LRRC37A2: variants seen among roughly 807,000 people sequenced by gnomAD.
LRRC37A2 encodes the protein leucine rich repeat containing 37 member A2, also known as leucine-rich repeat-containing protein 37A2.
Under a neutral mutation model 68.8 loss-of-function variants are expected in LRRC37A2, and 9 were observed. That is an observed-to-expected ratio of 0.13 (90% CI 0.08 to 0.23). LRRC37A2 has a LOEUF of 0.23. Among genes scored for constraint, LRRC37A2 ranks in the 10% least tolerant of loss-of-function variants. The probability of loss-of-function intolerance (pLI) is 1.00; values close to 1 mark genes in which losing one functional copy is unlikely to be tolerated. For synonymous variants in LRRC37A2, 63 were observed against 367.6 expected (o/e 0.17, Z 9.48); for missense variants, 168 against 950.4 (o/e 0.18, Z 10.82).
chr17:47,025,343 T>A, the LRRC37A2 span, among the ~76,000 whole-genome samples: 1 of 152,350 alleles, frequency 6.6e-6, no homozygotes, highest in Admixed American at 6.5e-5. Context: ...AACATCATTA[T>A]TCCAGAATTT....
the LRRC37A2 span, among the ~76,000 whole-genome samples, chr17:46,974,747 A>ACG: frequency 2.2e-5 from 1 of 45,164 alleles, no homozygotes; most frequent in Non-Finnish European, 6.5e-5. Flanking sequence ...AAAAAAAAAA[A>ACG]AAGGTCATCT....
At chr17:46,926,889 T>G in the LRRC37A2 span, among the ~76,000 whole-genome samples, 1 of 152,338 alleles carries the variant, frequency 6.6e-6, no homozygotes, top group African/African-American at 2.4e-5. Context: ...GTACATCTCC[T>G]CAGGGTATGC....
chr17:46,965,098 T>C, the LRRC37A2 span: 3 of 152,166 alleles, frequency 2.0e-5, no homozygotes, highest in African/African-American at 7.2e-5. Flanking sequence ...TAAAATCACA[T>C]TTTTAGAAGT....
At chr17:46,720,564 C>T in the LRRC37A2 span, among the ~76,000 whole-genome samples, 3 of 152,102 alleles carry the variant, frequency 2.0e-5, no homozygotes, top group Admixed American at 6.6e-5. Flanking sequence ...TTGGTCTACT[C>T]CCAAGTTATT....
chr17:46,997,661 G>T, the LRRC37A2 span, among the ~76,000 whole-genome samples: 2 of 152,114 alleles, frequency 1.3e-5, no homozygotes, highest in Non-Finnish European at 2.9e-5. Context: ...CAGGATGCAT[G>T]GTAGGGCTGG....
At chr17:46,866,069 G>A in the LRRC37A2 span, among the ~76,000 whole-genome samples, 16 of 152,322 alleles carry the variant, frequency 1.1e-4, no homozygotes, top group East Asian at 1.9e-4. Context: ...GCTGCAGGAC[G>A]TCATGGAGGA....
the LRRC37A2 span, among the ~76,000 whole-genome samples, chr17:46,718,626 A>G: frequency 6.6e-6 from 1 of 152,240 alleles, no homozygotes; most frequent in Non-Finnish European, 1.5e-5. Context: ...CTAGAGTAGT[A>G]TAACATGACC....
chr17:46,388,336 G>C, the LRRC37A2 span, among the ~76,000 whole-genome samples: 1 of 38,838 alleles, frequency 2.6e-5, no homozygotes, highest in Non-Finnish European at 6.8e-5. Flanking sequence ...ATCACCTGAG[G>C]TTATGAGTTG....
the LRRC37A2 span, chr17:46,936,093 ACCT>A: frequency 1.0e-6 from 1 of 985,582 alleles, no homozygotes; most frequent in Non-Finnish European, 1.2e-6. Context: ...AGTGACACTC[ACCT>A]CCTGCTGACA....
the LRRC37A2 span, among the ~76,000 whole-genome samples, chr17:46,983,438 G>A: frequency 6.6e-6 from 1 of 151,932 alleles, no homozygotes; most frequent in Non-Finnish European, 1.5e-5. Context: ...GGGATTACAG[G>A]TGTCCGCCAC....
At chr17:46,851,601 C>G in the LRRC37A2 span, 1 of 1,187,382 alleles carries the variant, frequency 8.4e-7, no homozygotes, top group Non-Finnish European at 1.1e-6. This position sits in a 1 kb window ranked among gnomAD's most constrained non-coding sequence, Gnocchi z 4.3. Flanking sequence ...GCTTGAGCGG[C>G]GCGAGGAGAT....
the LRRC37A2 span, among the ~76,000 whole-genome samples, chr17:46,861,945 C>T: frequency 6.6e-6 from 1 of 152,066 alleles, no homozygotes; most frequent in African/African-American, 2.4e-5. Flanking sequence ...AGGTGGATCA[C>T]CTGAGGTCAG....
chr17:46,961,418 C>G, the LRRC37A2 span, among the ~76,000 whole-genome samples: 1 of 151,968 alleles, frequency 6.6e-6, no homozygotes, highest in South Asian at 2.1e-4. Context: ...ATCTATCGTC[C>G]CAGCTATTTG....
At chr17:46,920,470 C>A in the LRRC37A2 span, among the ~76,000 whole-genome samples, 1 of 152,128 alleles carries the variant, frequency 6.6e-6, no homozygotes, top group East Asian at 1.9e-4. Context: ...CATGGGTGGA[C>A]AGTCTCTTGG....
At chr17:46,875,129 G>T in the LRRC37A2 span, 4 of 1,613,894 alleles carry the variant, frequency 2.5e-6, no homozygotes, top group Non-Finnish European at 3.4e-6. Flanking sequence ...TCCTGTACGC[G>T]GTGTCCTCTG....
the LRRC37A2 span, among the ~76,000 whole-genome samples, chr17:46,703,694 A>C: frequency 4.6e-4 from 69 of 151,482 alleles, no homozygotes; most frequent in African/African-American, 1.4e-3. Flanking sequence ...AAAAAAAAAA[A>C]AAAAAAAAAA....
the LRRC37A2 span, chr17:47,018,807 C>T: frequency 6.6e-7 from 1 of 1,521,232 alleles, no homozygotes. Flanking sequence ...GCATTCACCC[C>T]TGACTCAAGC....
the LRRC37A2 span, among the ~76,000 whole-genome samples, chr17:46,466,863 T>C: frequency 3.6e-4 from 37 of 102,904 alleles, 8 homozygotes; most frequent in African/African-American, 9.2e-4. Context: ...AAAACAGATA[T>C]ATAGACCAAA....
chr17:46,965,179 G>A, the LRRC37A2 span: 1 of 152,226 alleles, frequency 6.6e-6, no homozygotes, highest in East Asian at 1.9e-4. Flanking sequence ...CAGGGCCCAG[G>A]GCATAGTGGA....
Sources: allele counts gnomAD v4.1 joint callset (sites outside exome capture counted in the v4.1 genomes callset), GRCh38; gene constraint gnomAD v4.1.1; non-coding constraint Gnocchi (gnomAD v3.1); transcripts MANE v1.5; gene names NCBI Gene and HGNC (gene_info 2026-07-23, HGNC 2026-07-21).